GYPE: variants seen among roughly 807,000 people sequenced by gnomAD.
The protein encoded by GYPE is glycophorin E (MNS blood group).
Under a neutral mutation model 11.6 loss-of-function variants are expected in GYPE, and 8 were observed. That is an observed-to-expected ratio of 0.69 (90% CI 0.41 to 1.25). The LOEUF is 1.25. GYPE is among the 50% of genes most tolerant of loss of function. The pLI is 0.01. For synonymous variants in GYPE, 28 were observed against 29.6 expected (o/e 0.94, Z 0.18); for missense variants, 90 against 92.8 (o/e 0.97, Z 0.12).
At chr4:143,895,484 C>G (rs1042565960) in intron 1 of GYPE, among the ~76,000 whole-genome samples, 1 of 149,882 alleles carries the variant, frequency 6.7e-6, no homozygotes, top group Non-Finnish European at 1.5e-5. Context: ...GAACTACAAA[C>G]CACTGCTCAA....
At chr4:143,895,249 A>G (rs1348164721) in intron 1 of GYPE, among the ~76,000 whole-genome samples, 1 of 152,216 alleles carries the variant, frequency 6.6e-6, no homozygotes, top group Non-Finnish European at 1.5e-5. Context: ...TTGTATATCT[A>G]GAAAACCCCA....
chr4:143,904,018 A>ATATACAAATAT (rs1560954936), intron 1 of GYPE, among the ~76,000 whole-genome samples: 1 of 152,142 alleles, frequency 6.6e-6, no homozygotes, highest in African/African-American at 2.4e-5. Flanking sequence ...ATATGAATAC[A>ATATACAAATAT]TATACAAATA....
intron 1 of GYPE, among the ~76,000 whole-genome samples, chr4:143,898,497 C>G (rs1744747044): frequency 6.6e-6 from 1 of 152,140 alleles, no homozygotes; most frequent in Non-Finnish European, 1.5e-5. Flanking sequence ...TGTCATTAAG[C>G]AATATATTTC....
At chr4:143,899,232 C>T (rs951674490) in intron 1 of GYPE, among the ~76,000 whole-genome samples, 2 of 150,102 alleles carry the variant, frequency 1.3e-5, no homozygotes, top group Non-Finnish European at 3.0e-5. Flanking sequence ...CGGAGCCAAT[C>T]CTGGAACATC....
chr4:143,905,534 G>T lies in GYPE; in HGVS notation c.-27C>A. 2 of 1,613,090 alleles carry T rather than the reference G, an allele frequency of 1.2e-6. No homozygotes were observed. Among genetic ancestry groups the T allele is most frequent in the Non-Finnish European group, 1.7e-6 (2 of 1,179,290 alleles). On this transcript the variant is annotated 5_prime_UTR_variant, in exon 1 of 4. Coordinates refer to ENST00000358615, the MANE Select transcript of GYPE (RefSeq NM_198682.3). ...CTGAGATCACGAGCTGGCTCCTGAA[G>T]TTAGTGCAAAAAAACTACCAAAGAC...
At chr4:143,889,628 A>G (rs1744329102) in intron 1 of GYPE, among the ~76,000 whole-genome samples, 2 of 152,292 alleles carry the variant, frequency 1.3e-5, no homozygotes, top group South Asian at 4.1e-4. Context: ...CATTCTACTG[A>G]GCAACTGGGA....
chr4:143,904,764 A>T (rs139107440), intron 1 of GYPE, among the ~76,000 whole-genome samples: 1,913 of 152,282 alleles, frequency 0.013, 25 homozygotes, highest in Middle Eastern at 0.051. Flanking sequence ...ACTTGAGAGG[A>T]TGTTTAACTA....
At chr4:143,873,943 C>G (rs889164908) in intron 3 of GYPE, among the ~76,000 whole-genome samples, 1 of 151,902 alleles carries the variant, frequency 6.6e-6, no homozygotes, top group African/African-American at 2.4e-5. Flanking sequence ...CTGTAATCCA[C>G]AATTGAATGG....
chr4:143,880,747 A>G (rs1743993809), intron 1 of GYPE, among the ~76,000 whole-genome samples: 1 of 152,218 alleles, frequency 6.6e-6, no homozygotes, highest in African/African-American at 2.4e-5. Flanking sequence ...AGGTTTACAG[A>G]TAAAGTGTGC....
chr4:143,888,491 G>C (rs1744288301), intron 1 of GYPE, among the ~76,000 whole-genome samples: 1 of 143,394 alleles, frequency 7.0e-6, no homozygotes, highest in Non-Finnish European at 1.5e-5. Context: ...TTTTCTAAAT[G>C]CTACAGTTTT....
At chr4:143,903,759 C>T (rs992307134) in intron 1 of GYPE, among the ~76,000 whole-genome samples, 2 of 151,674 alleles carry the variant, frequency 1.3e-5, no homozygotes, top group Admixed American at 6.6e-5. Context: ...TTATTAAGTG[C>T]CATTTAAGGC....
chr4:143,895,495 T>G (rs1203671848), intron 1 of GYPE, among the ~76,000 whole-genome samples: 2 of 149,318 alleles, frequency 1.3e-5, no homozygotes, highest in Admixed American at 1.3e-4. Flanking sequence ...CACTGCTCAA[T>G]GAAATAAAAG....
intron 1 of GYPE, among the ~76,000 whole-genome samples, chr4:143,900,849 A>C (rs1297818279): frequency 6.6e-6 from 1 of 152,152 alleles, no homozygotes; most frequent in Non-Finnish European, 1.5e-5. Flanking sequence ...GTGGCTGCTA[A>C]TGGGTAAGAG....
chr4:143,898,516 T>C (rs563973046), intron 1 of GYPE, among the ~76,000 whole-genome samples: 94 of 152,176 alleles, frequency 6.2e-4, no homozygotes, highest in Non-Finnish European at 9.4e-4. Flanking sequence ...TCACAATGAT[T>C]CTTAAGTAAT....
At chr4:143,891,823 T>C (rs1318724611) in intron 1 of GYPE, among the ~76,000 whole-genome samples, 2 of 152,118 alleles carry the variant, frequency 1.3e-5, no homozygotes, top group African/African-American at 2.4e-5. Context: ...GCAGTCAAGA[T>C]GGTGCATTCC....
chr4:143,905,100 A>AT (rs1745009650), intron 1 of GYPE, among the ~76,000 whole-genome samples: 1 of 152,208 alleles, frequency 6.6e-6, no homozygotes, highest in Non-Finnish European at 1.5e-5. Flanking sequence ...TAAAAGCCAT[A>AT]TAACACCTTT....
intron 3 of GYPE, 145 bp downstream of exon 3, chr4:143,876,601 C>T (rs1172812659): frequency 1.7e-6 from 1 of 577,874 alleles, no homozygotes; most frequent in Non-Finnish European, 3.2e-6. Flanking sequence ...TAGAGAAACA[C>T]AGTGACTTCT....
chr4:143,884,165 C>T (rs192883578), intron 1 of GYPE, among the ~76,000 whole-genome samples: 4 of 145,040 alleles, frequency 2.8e-5, no homozygotes, highest in East Asian at 2.0e-4. Context: ...TACCCTTTTC[C>T]GTGTCCTAAA....
chr4:143,878,311 A>G (rs1028672141), intron 2 of GYPE, among the ~76,000 whole-genome samples: 11 of 151,842 alleles, frequency 7.2e-5, no homozygotes, highest in Admixed American at 6.6e-4. Context: ...TAATTTTTGT[A>G]TTTTTTGTAG....
Sources: allele counts gnomAD v4.1 joint callset (sites outside exome capture counted in the v4.1 genomes callset), GRCh38; gene constraint gnomAD v4.1.1; transcripts MANE v1.5; gene names NCBI Gene and HGNC (gene_info 2026-07-23, HGNC 2026-07-21).